The following CLNK variants were observed in gnomAD, a reference collection of about 807,000 sequenced individuals.
The protein encoded by CLNK is cytokine dependent hematopoietic cell linker, also known as cytokine-dependent hematopoietic cell linker.
Under a neutral mutation model 68.6 loss-of-function variants are expected in CLNK, and 74 were observed. The ratio of observed to expected loss-of-function variants is 1.08; its 90% CI spans 0.89 to 1.31. CLNK has a LOEUF of 1.31. CLNK is among the 50% of genes most tolerant of loss of function. The pLI is 0.00. For missense variants in CLNK, 553 were observed against 515.3 expected (o/e 1.07, Z -0.71); for synonymous variants, 198 against 172.2 (o/e 1.15, Z -1.17).
At chr4:10,563,182 A>G (rs1172332052) in intron 7 of CLNK, among the ~76,000 whole-genome samples, 1 of 152,236 alleles carries the variant, frequency 6.6e-6, no homozygotes, top group Non-Finnish European at 1.5e-5. Context: ...TAAACAGACA[A>G]TGAATATAAA....
chr4:10,624,581 C>A (rs1403467315), intron 2 of CLNK, among the ~76,000 whole-genome samples: 1 of 149,044 alleles, frequency 6.7e-6, no homozygotes, highest in Non-Finnish European at 1.5e-5. Context: ...CGTGAGCCAC[C>A]GCGCCCGGCC....
chr4:10,694,112 A>T, the CLNK span, among the ~76,000 whole-genome samples: 1 of 151,910 alleles, frequency 6.6e-6, no homozygotes, highest in African/African-American at 2.4e-5. Context: ...CTGTCCCTAA[A>T]TCACCCCTGA....
In CLNK at chr4:10,537,706, C is replaced by CCTTT. The variant is rs752656552; in HGVS notation, c.602+2784_602+2787dup. ...TCCTTCCTTCCTTCCTTCCTTCCTT[C>CCTTT]CTTTCTTTCTTTCTTTCTTTCTTTC... On this transcript the variant is annotated intron_variant, in intron 11 of 18. Transcript: ENST00000226951. Among the ~76,000 whole-genome samples the CCTTT allele has an allele frequency of 1.0e-3, 14 of 13,402 alleles. 1 individual carries two copies. The highest frequency in any genetic ancestry group is 3.0e-3 in the African/African-American group (11 of 3,708). The allele number at this position is 13,402 out of a possible 152,430, so 8.8% of individuals were successfully genotyped here.
Position 10,542,261 on chromosome 4 carries a change from CT to C in CLNK, c.464del (p.Lys155ArgfsTer13). On this transcript the variant is annotated frameshift_variant, in exon 9 of 19. Transcript: ENST00000226951. LOFTEE classifies it high-confidence loss of function. ...TTTTATTGATTTCTCTTACCTTGTT[CT>C]TTCTTACGGATGCATCTCCTAAAAC... Reference protein sequence around the residue: ...QNIKGDASVRKNKIPLPPPRP... With the variant: ...QNIKGDASVRXNKIPLPPPRP... 1 of 1,530,380 alleles carries C rather than the reference CT, an allele frequency of 6.5e-7. No individual in the cohort carries two copies. 94.8% of individuals were successfully genotyped at this position (1,530,380 alleles called of 1,614,324 possible).
intron 7 of CLNK, among the ~76,000 whole-genome samples, chr4:10,560,068 C>T (rs763827963): frequency 8.5e-5 from 13 of 152,168 alleles, no homozygotes; most frequent in Non-Finnish European, 1.6e-4. Context: ...GAAACATGTG[C>T]CAGTTGTGGA....
chr4:10,505,028 C>T (rs1439005351), intron 17 of CLNK, among the ~76,000 whole-genome samples: 3 of 152,170 alleles, frequency 2.0e-5, no homozygotes, highest in Non-Finnish European at 2.9e-5. Flanking sequence ...TTTTCCAGCA[C>T]AATCCACACA....
intron 2 of CLNK, chr4:10,598,830 T>C: frequency 6.7e-6 from 2 of 297,792 alleles, no homozygotes; most frequent in Non-Finnish European, 1.4e-5. Flanking sequence ...CAAATGCTCC[T>C]GACCAACTGC....
chr4:10,670,889 T>G (rs1724601936), intron 1 of CLNK, among the ~76,000 whole-genome samples: 1 of 152,190 alleles, frequency 6.6e-6, no homozygotes, highest in Non-Finnish European at 1.5e-5. Flanking sequence ...ACGCAAGGGA[T>G]CAGGGAGGAA....
the CLNK span, among the ~76,000 whole-genome samples, chr4:10,714,520 G>A: frequency 6.6e-6 from 1 of 152,162 alleles, no homozygotes; most frequent in Non-Finnish European, 1.5e-5. Flanking sequence ...TAGGTATATA[G>A]TGTTCAAATG....
intron 17 of CLNK, 72 bp downstream of exon 17, chr4:10,507,887 T>A (rs762697975): frequency 8.9e-7 from 1 of 1,118,578 alleles, no homozygotes; most frequent in Non-Finnish European, 1.3e-6. Context: ...TTGTTACGTC[T>A]TGTGACACAT....
intron 12 of CLNK, among the ~76,000 whole-genome samples, chr4:10,528,522 A>G (rs1283869543): frequency 6.6e-6 from 1 of 152,228 alleles, no homozygotes; most frequent in African/African-American, 2.4e-5. Context: ...ACTGGAAACA[A>G]TCTATGTGCC....
At chr4:10,651,933 G>A (rs55797815) in intron 2 of CLNK, among the ~76,000 whole-genome samples, 7,319 of 151,238 alleles carry the variant, frequency 0.048, 566 homozygotes, top group African/African-American at 0.16. Context: ...AAGTAAAATG[G>A]AGTTAGAAAA....
intron 11 of CLNK, among the ~76,000 whole-genome samples, chr4:10,536,248 T>C (rs1202929551): frequency 6.6e-6 from 1 of 152,164 alleles, no homozygotes; most frequent in African/African-American, 2.4e-5. Context: ...TCACTCACAG[T>C]GCCTTACCAA....
chr4:10,566,063 A>C lies in CLNK; in HGVS notation c.238T>G (p.Trp80Gly). ...DDPELRMEET[W>G]QSIKILPARP... Reference sequence around the variant, plus strand: ...GCTGGTAAAATTTTAATCGACTGCCATGTCTCTTCCATCCGAAGCTCAGGG... The same window carrying C: ...GCTGGTAAAATTTTAATCGACTGCCCTGTCTCTTCCATCCGAAGCTCAGGG... Residue 80 changes from tryptophan (W) to glycine (G), a missense_variant, in exon 6 of 19, where the codon TGG becomes GGG. Transcript: ENST00000226951. The C allele has an allele frequency of 6.2e-7, 1 of 1,613,896 alleles. No homozygotes were observed.
intron 2 of CLNK, among the ~76,000 whole-genome samples, chr4:10,644,259 T>G (rs1358702206): frequency 6.6e-6 from 1 of 152,238 alleles, no homozygotes; most frequent in Non-Finnish European, 1.5e-5. Context: ...AAGCTTTGCT[T>G]GTCTTGGTTA....
At chr4:10,512,507 A>G (rs568602869) in intron 16 of CLNK, among the ~76,000 whole-genome samples, 31 of 152,180 alleles carry the variant, frequency 2.0e-4, no homozygotes, top group Admixed American at 1.6e-3. Context: ...CTGAGATTAC[A>G]GGCATGAGCC....
chr4:10,580,457 A>G (rs550845330), intron 4 of CLNK, among the ~76,000 whole-genome samples: 14 of 152,308 alleles, frequency 9.2e-5, no homozygotes, highest in African/African-American at 2.9e-4. Context: ...GAGGGATTCC[A>G]GAAGAAGTCA....
chr4:10,671,427 C>G (rs1180719455), intron 1 of CLNK, among the ~76,000 whole-genome samples: 2 of 151,962 alleles, frequency 1.3e-5, no homozygotes, highest in Non-Finnish European at 2.9e-5. Context: ...CCTTGGCAAC[C>G]CTTACCAGAG....
At chr4:10,616,823 TAC>T (rs1481126169) in intron 2 of CLNK, among the ~76,000 whole-genome samples, 6,470 of 29,032 alleles carry the variant, frequency 0.22, 200 homozygotes, top group Non-Finnish European at 0.31. Flanking sequence ...TATATATATA[TAC>T]ACGCATTTTT....
Sources: gnomAD v4.1 joint callset for allele counts (sites outside exome capture counted in the v4.1 genomes callset) on GRCh38, gnomAD v4.1.1 for gene constraint, MANE v1.5 for transcripts, NCBI Gene and HGNC (gene_info 2026-07-23, HGNC 2026-07-21) for gene names.